TULP3: variants seen among roughly 807,000 people sequenced by gnomAD.
TULP3 encodes the protein TUB like protein 3, also known as tubby-related protein 3.
TULP3 carries 38 observed loss-of-function variants against 50.7 expected under a neutral mutation model. The ratio of observed to expected loss-of-function variants is 0.75; its 90% confidence interval spans 0.58 to 0.98. The LOEUF (loss-of-function observed/expected upper bound fraction) is 0.98, where lower values mean the gene tolerates loss of function less well. TULP3 is among the 50% of genes least tolerant of loss of function. The pLI is 0.00. For synonymous variants in TULP3, 183 were observed against 196.6 expected, an observed-to-expected ratio of 0.93 and a Z score of 0.58; for missense variants, 550 against 568.0, an observed-to-expected ratio of 0.97 and a Z score of 0.32.
intron 3 of TULP3, 26 bp from the exon 4 acceptor site, chr12:2,922,236 A>T: frequency 1.2e-6 from 2 of 1,601,602 alleles, no homozygotes; most frequent in South Asian, 1.1e-5. Flanking sequence ...CTCCTTTTTT[A>T]AAATTCATTT....
At chr12:2,904,030 C>T (rs2098180819) in intron 1 of TULP3, among the ~76,000 whole-genome samples, 1 of 152,170 alleles carries the variant, frequency 6.6e-6, no homozygotes, top group Non-Finnish European at 1.5e-5. Context: ...GATCCGCCCG[C>T]CTTGGCCTCC....
chr12:2,931,740 G>T (rs1197247350), intron 6 of TULP3, among the ~76,000 whole-genome samples: 3 of 152,108 alleles, frequency 2.0e-5, no homozygotes. Context: ...ATTAATACCA[G>T]GTCTTAACAG....
chr12:2,895,261 G>C (rs902064007), intron 1 of TULP3, among the ~76,000 whole-genome samples: 1 of 152,142 alleles, frequency 6.6e-6, no homozygotes, highest in Non-Finnish European at 1.5e-5. Flanking sequence ...CTCTCCCCAG[G>C]CAGTTCTCCC....
chr12:2,909,642 C>A, intron 2 of TULP3, 62 bp downstream of exon 2: 2 of 1,498,126 alleles, frequency 1.3e-6, no homozygotes, highest in Non-Finnish European at 1.8e-6. Flanking sequence ...TGCTGATGGT[C>A]TTGGCTCTGA....
chr12:2,940,462 C>G lies in TULP3; in HGVS notation c.*1018C>G. ...TGGCTCAGGCACAGAAGGTGTTTTGCTACGTTTTTTTGATTATTACACCCC... is the reference window on the plus strand; with the variant it reads ...TGGCTCAGGCACAGAAGGTGTTTTGGTACGTTTTTTTGATTATTACACCCC... On this transcript the variant is annotated 3_prime_UTR_variant, in exon 11 of 11. Coordinates refer to ENST00000448120, the MANE Select transcript of TULP3 (RefSeq NM_003324.5). The G allele has an allele frequency of 1.3e-6, 2 of 1,486,232 alleles. No individual in the cohort carries two copies. Among genetic ancestry groups the G allele is most frequent in the Non-Finnish European group, 1.8e-6 (2 of 1,115,874 alleles). 92.1% of individuals were successfully genotyped at this position (1,486,232 alleles called of 1,614,324 possible). A position where few individuals can be genotyped will look rare whatever the true frequency, so the allele number is the denominator to read the frequency against.
intron 5 of TULP3, chr12:2,930,800 T>G (rs2098197545): frequency 1.7e-6 from 1 of 589,048 alleles, no homozygotes; most frequent in Non-Finnish European, 3.0e-6. Flanking sequence ...ATTTAGTTTA[T>G]GATCTAATTT....
At chr12:2,899,357 A>AAC (rs1278844700) in intron 1 of TULP3, among the ~76,000 whole-genome samples, 1 of 151,822 alleles carries the variant, frequency 6.6e-6, no homozygotes, top group Non-Finnish European at 1.5e-5. Flanking sequence ...AAAAAAAAAA[A>AAC]AAAAAAACAG....
intron 1 of TULP3, among the ~76,000 whole-genome samples, chr12:2,904,450 A>G (rs987719605): frequency 1.3e-5 from 2 of 151,144 alleles, no homozygotes; most frequent in East Asian, 2.0e-4. Context: ...CACTCCTCCT[A>G]CCTCAGCCTC....
At chr12:2,911,600 C>T (rs2098185631) in intron 2 of TULP3, among the ~76,000 whole-genome samples, 2 of 146,440 alleles carry the variant, frequency 1.4e-5, no homozygotes, top group African/African-American at 5.0e-5. Flanking sequence ...CTCCTGACCT[C>T]ATGATCCGCC....
At chr12:2,904,888 T>A (rs2098181281) in intron 1 of TULP3, among the ~76,000 whole-genome samples, 2 of 151,980 alleles carry the variant, frequency 1.3e-5, no homozygotes, top group Non-Finnish European at 2.9e-5. Flanking sequence ...CATCTTTACC[T>A]GAAGTCAGGA....
chr12:2,940,761 T>C lies in TULP3; in HGVS notation c.*1317T>C. ...AACTGGCAGCTGCGGGACCCTTGGC[T>C]TGTCCCCCACCGACAAGTCCCACCT... On this transcript the variant is annotated 3_prime_UTR_variant, in exon 11 of 11. Transcript: ENST00000448120. 6.6e-7 allele frequency: 1 copy of C among 1,522,758 alleles called. No individual in the cohort carries two copies. Among genetic ancestry groups the C allele is most frequent in the Non-Finnish European group, 8.9e-7 (1 of 1,129,066 alleles). 94.3% of individuals were successfully genotyped at this position (1,522,758 alleles called of 1,614,324 possible).
At chr12:2,897,457 T>G (rs1409219768) in intron 1 of TULP3, among the ~76,000 whole-genome samples, 3 of 152,140 alleles carry the variant, frequency 2.0e-5, no homozygotes, top group Admixed American at 2.0e-4. Context: ...TTTGTAGTAT[T>G]AAGAAGTATT....
intron 1 of TULP3, among the ~76,000 whole-genome samples, chr12:2,891,513 A>T (rs780961894): frequency 6.6e-6 from 1 of 152,178 alleles, no homozygotes; most frequent in Non-Finnish European, 1.5e-5. Context: ...TTTGTCCCTG[A>T]TTCGGGATGG....
chr12:2,900,635 T>C (rs1033238510), intron 1 of TULP3, among the ~76,000 whole-genome samples: 1 of 152,016 alleles, frequency 6.6e-6, no homozygotes, highest in Non-Finnish European at 1.5e-5. Context: ...TTGAGGTAAC[T>C]ATTGTTAATA....
At chr12:2,903,777 T>TTTTG (rs780079423) in intron 1 of TULP3, among the ~76,000 whole-genome samples, 1 of 152,002 alleles carries the variant, frequency 6.6e-6, no homozygotes, top group Non-Finnish European at 1.5e-5. Context: ...ACGTCTTCTT[T>TTTTG]TTTGTTTGTT....
chr12:2,924,944 G>A (rs1463948544), intron 4 of TULP3, among the ~76,000 whole-genome samples: 1 of 152,142 alleles, frequency 6.6e-6, no homozygotes, highest in African/African-American at 2.4e-5. Context: ...TTGGGAGGCC[G>A]ACACGGGCGG....
At chr12:2,922,658 CTGTT>C (rs1053685836) in intron 4 of TULP3, among the ~76,000 whole-genome samples, 26 of 152,152 alleles carry the variant, frequency 1.7e-4, no homozygotes, top group Admixed American at 3.9e-4. Flanking sequence ...CCATAGATGA[CTGTT>C]TGTTTCTTTT....
At position 2,934,509 on chromosome 12, in the gene TULP3, G is replaced by A. The variant is rs536446600; in HGVS notation, c.872G>A (p.Arg291Gln). Reference sequence around the variant, plus strand: ...CGTGGCATCTGCCCCATGAAGGGCCGGGGTTTGGTAGGAGCGGCCCACACC... The same window carrying A: ...CGTGGCATCTGCCCCATGAAGGGCCAGGGTTTGGTAGGAGCGGCCCACACC... ...YDRGICPMKG[R>Q]GLVGAAHTRQ... Residue 291 changes from arginine (R) to glutamine (Q), a missense_variant, in exon 8 of 11, where the codon CGG (arginine) becomes CAG (glutamine). Coordinates refer to ENST00000448120, the MANE Select transcript of TULP3 (RefSeq NM_003324.5). 26 of 1,604,992 alleles carry A rather than the reference G, an allele frequency of 1.6e-5. No individual in the cohort carries two copies. In the African/African-American group the frequency reaches 2.8e-4, roughly 17 times the overall value.
chr12:2,907,992 C>T (rs1481218599), intron 1 of TULP3, among the ~76,000 whole-genome samples: 1 of 152,016 alleles, frequency 6.6e-6, no homozygotes, highest in Admixed American at 6.6e-5. Context: ...AATAGAGAGG[C>T]ATGTCAGAAA....
Sources: gnomAD v4.1 joint callset for allele counts (sites outside exome capture counted in the v4.1 genomes callset) on GRCh38, gnomAD v4.1.1 for gene constraint, MANE v1.5 for transcripts, NCBI Gene and HGNC (gene_info 2026-07-23, HGNC 2026-07-21) for gene names.